Variants in SEC14L5 observed in about 807,000 individuals in gnomAD.
SEC14L5 encodes the protein SEC14 like lipid binding 5, also known as SEC14-like protein 5.
Under a neutral mutation model 84.6 loss-of-function variants are expected in SEC14L5, and 96 were observed. That is an observed-to-expected ratio of 1.13 (90% CI 0.96 to 1.34). SEC14L5 has a LOEUF of 1.34. Among genes scored for constraint, SEC14L5 ranks in the 40% most tolerant of loss-of-function variants. The pLI is 0.00. For missense variants in SEC14L5, 1,224 were observed against 942.5 expected (o/e 1.30, Z -3.91); for synonymous variants, 546 against 383.4 (o/e 1.42, Z -4.95).
intron 2 of SEC14L5, among the ~76,000 whole-genome samples, chr16:4,967,504 C>T (rs942358902): frequency 5.3e-5 from 8 of 151,062 alleles, no homozygotes; most frequent in African/African-American, 1.9e-4. Flanking sequence ...AATCTGACCC[C>T]ACAGCCAGAG....
chr16:4,960,454 T>G (rs957610477), intron 2 of SEC14L5: 16 of 152,228 alleles, frequency 1.1e-4, no homozygotes, highest in African/African-American at 3.9e-4. Context: ...TATCTCTTGG[T>G]GGCTGTGTGT....
intron 15 of SEC14L5, among the ~76,000 whole-genome samples, chr16:5,012,674 G>A (rs1955819247): frequency 6.6e-6 from 1 of 152,250 alleles, no homozygotes; most frequent in African/African-American, 2.4e-5. Flanking sequence ...GGAAGCCGAG[G>A]TGGGTGGATC....
intron 2 of SEC14L5, among the ~76,000 whole-genome samples, chr16:4,983,408 A>G (rs955983892): frequency 4.7e-5 from 7 of 149,466 alleles, no homozygotes; most frequent in African/African-American, 1.5e-4. Flanking sequence ...ATATTTATAG[A>G]TATGTATAGA....
intron 3 of SEC14L5, 118 bp from the exon 4 acceptor site, chr16:4,988,031 C>A: frequency 8.9e-7 from 1 of 1,123,028 alleles, no homozygotes; most frequent in Non-Finnish European, 1.3e-6. Flanking sequence ...GGCGGTGGCG[C>A]AAGGGACCTG....
intron 15 of SEC14L5, 55 bp from the exon 16 acceptor site, chr16:5,014,804 C>A: frequency 5.7e-6 from 8 of 1,397,608 alleles, no homozygotes; most frequent in Non-Finnish European, 8.1e-6. Flanking sequence ...TGTGTGTCAG[C>A]CCAAGGGCCT....
intron 2 of SEC14L5, among the ~76,000 whole-genome samples, chr16:4,968,460 T>C (rs1284883224): frequency 6.6e-6 from 1 of 152,202 alleles, no homozygotes; most frequent in East Asian, 1.9e-4. Flanking sequence ...GTTACAGGCG[T>C]GGGCCACGGC....
intron 6 of SEC14L5, among the ~76,000 whole-genome samples, chr16:4,995,476 A>G (rs1393433009): frequency 1.3e-5 from 2 of 152,176 alleles, no homozygotes; most frequent in Non-Finnish European, 2.9e-5. Flanking sequence ...CTGTCTGTCA[A>G]AACCCCACAA....
intron 11 of SEC14L5, among the ~76,000 whole-genome samples, chr16:5,005,311 T>C (rs1955718168): frequency 6.6e-6 from 1 of 151,148 alleles, no homozygotes; most frequent in Non-Finnish European, 1.5e-5. Context: ...CGAGACTCTG[T>C]CTCCGAAACA....
intron 3 of SEC14L5, 126 bp downstream of exon 3, chr16:4,987,832 T>G (rs1007831499): frequency 2.7e-6 from 2 of 733,976 alleles, no homozygotes; most frequent in African/African-American, 1.8e-5. Context: ...TGTGAGTTGA[T>G]ATTTGGATGG....
chr16:4,987,502 G>GGC, intron 2 of SEC14L5, 55 bp from the exon 3 acceptor site: 10 of 1,437,646 alleles, frequency 7.0e-6, no homozygotes, highest in Non-Finnish European at 9.3e-6. Context: ...CGCGCTGGGG[G>GGC]GGGGGGTCCC....
At chr16:4,972,639 A>G (rs1009307598) in intron 2 of SEC14L5, among the ~76,000 whole-genome samples, 1 of 152,250 alleles carries the variant, frequency 6.6e-6, no homozygotes, top group Admixed American at 6.5e-5. Context: ...TTCCAGGTTC[A>G]GCCGTGTCGT....
In SEC14L5 at chr16:5,017,313, A is replaced by G. The variant is rs1337830469; in HGVS notation, c.*2343A>G. The G allele has an allele frequency of 6.6e-6, 1 of 152,290 alleles. No individual in the cohort carries two copies. Among genetic ancestry groups the G allele is most frequent in the Non-Finnish European group, 1.5e-5 (1 of 68,110 alleles). The allele number at this position is 152,290 out of a possible 1,614,324, so 9.4% of individuals were successfully genotyped here. A position where few individuals can be genotyped will look rare whatever the true frequency, so the allele number is the denominator to read the frequency against. On this transcript the variant is annotated 3_prime_UTR_variant, in exon 16 of 16. Transcript: ENST00000251170. Reference sequence around the variant, plus strand: ...ACCAGCCCAAACTGGCTTAAGCAACAAAGCAAATTCCCTGGGTCCTGTACT... The same window carrying G: ...ACCAGCCCAAACTGGCTTAAGCAACGAAGCAAATTCCCTGGGTCCTGTACT...
chr16:4,973,092 C>G (rs1376407847), intron 2 of SEC14L5, among the ~76,000 whole-genome samples: 1 of 152,214 alleles, frequency 6.6e-6, no homozygotes, highest in Non-Finnish European at 1.5e-5. Flanking sequence ...ATACATGAGT[C>G]AGCATCCTTT....
chr16:4,988,284 A>C lies in SEC14L5; in HGVS notation c.345+4A>C, dbSNP rs1301503555. On this transcript the variant is annotated splice_donor_region_variant and intron_variant, in intron 4 of 15. Coordinates refer to ENST00000251170, the MANE Select transcript of SEC14L5 (RefSeq NM_014692.2). ...GAACGAGCACTGCAGCTACACGGTG[A>C]GCCCAGGCCACCCTCAGCGCCCACG... 1.9e-6 allele frequency: 3 copies of C among 1,613,326 alleles called. No individual in the cohort carries two copies. Among genetic ancestry groups the C allele is most frequent in the Non-Finnish European group, 2.5e-6 (3 of 1,179,680 alleles).
In SEC14L5 at chr16:4,997,070, A is replaced by G. The variant is rs561093913; in HGVS notation, c.970+26A>G. ...GTGCGTGCCTCCACCCACATCATGTATAGGGCATACTTTGGTCACTGCCAA... is the reference window on the plus strand; with the variant it reads ...GTGCGTGCCTCCACCCACATCATGTGTAGGGCATACTTTGGTCACTGCCAA... On this transcript the variant is annotated intron_variant, in intron 8 of 15. Transcript: ENST00000251170. The G allele has an allele frequency of 7.1e-6, 11 of 1,553,224 alleles. No individual in the cohort carries two copies. The South Asian group carries it at 7.1e-5, about 10-fold the overall frequency.
intron 2 of SEC14L5, among the ~76,000 whole-genome samples, chr16:4,975,413 C>T (rs1955328154): frequency 7.5e-6 from 1 of 132,876 alleles, no homozygotes; most frequent in Non-Finnish European, 1.5e-5. Flanking sequence ...GCAGAGCTTG[C>T]AGTGAGTCGA....
chr16:5,003,529 C>A lies in SEC14L5; in HGVS notation c.1258C>A (p.Leu420Ile). 6.3e-7 allele frequency: 1 copy of A among 1,586,876 alleles called. No homozygotes were observed. Among genetic ancestry groups the A allele is most frequent in the Non-Finnish European group, 8.6e-7 (1 of 1,163,826 alleles). The change falls in exon 11 of 16, where the codon CTC becomes ATC. Residue 420 changes from leucine (L) to isoleucine (I), a missense_variant. Coordinates refer to ENST00000251170, the MANE Select transcript of SEC14L5 (RefSeq NM_014692.2). ...DNYPETLGRL[L>I]IVRAPRVFPV... Reference sequence around the variant, plus strand: ...TTACCCAGAGACCCTGGGTCGGCTGCTCATCGTGCGAGCCCCCCGAGTCTT... The same window carrying A: ...TTACCCAGAGACCCTGGGTCGGCTGATCATCGTGCGAGCCCCCCGAGTCTT...
intron 3 of SEC14L5, 108 bp from the exon 4 acceptor site, chr16:4,988,041 G>A: frequency 8.2e-7 from 1 of 1,225,796 alleles, no homozygotes; most frequent in African/African-American, 1.5e-5. Context: ...CAAGGGACCT[G>A]GGACTCAGGG....
chr16:4,961,989 A>C (rs10852646), intron 2 of SEC14L5, among the ~76,000 whole-genome samples: 39,067 of 151,776 alleles, frequency 0.26, 5,216 homozygotes, highest in Admixed American at 0.35. Context: ...AAACAGACAC[A>C]CACACACACA....
Sources: allele counts gnomAD v4.1 joint callset (sites outside exome capture counted in the v4.1 genomes callset), GRCh38; gene constraint gnomAD v4.1.1; transcripts MANE v1.5; gene names NCBI Gene and HGNC (gene_info 2026-07-23, HGNC 2026-07-21).